PCLO: variants seen among roughly 807,000 people sequenced by gnomAD.
PCLO encodes the protein protein piccolo.
PCLO carries 82 observed loss-of-function variants against 427.5 expected under a neutral mutation model. That is an observed-to-expected ratio of 0.19 (90% CI 0.16 to 0.23). PCLO has a LOEUF of 0.23. Ranked by LOEUF, PCLO falls within the 10% of genes least tolerant of loss-of-function variation. The pLI is 1.00. For missense variants in PCLO, 6,239 were observed against 6,115.9 expected, an observed-to-expected ratio of 1.02 and a Z score of -0.67; for synonymous variants, 2,357 against 2,155.4, an observed-to-expected ratio of 1.09 and a Z score of -2.59.
intron 6 of PCLO, among the ~76,000 whole-genome samples, chr7:82,942,655 C>A (rs1194005893): frequency 1.3e-5 from 2 of 151,912 alleles, no homozygotes; most frequent in East Asian, 1.9e-4. Flanking sequence ...TAATATCTTT[C>A]CAATTACTAA....
In PCLO at chr7:82,908,891, G is replaced by T; in HGVS notation, c.13423C>A (p.Gln4475Lys). The change falls in exon 8 of 25, where the codon CAA becomes AAA. Residue 4475 changes from glutamine (Q) to lysine (K), a missense_variant. By Grantham distance (53) the Gln-to-Lys change is moderately conservative. Transcript: ENST00000333891. The part of the protein sequence containing the change: ...ERLVHSRPLS[Q>K]HQEQIIQMNG... ...ATAGCACTTACTTGCTCTTGATGTT[G>T]ACTGAGTGGTCTAGAGTGGACCAAT... is the stretch of plus-strand genomic sequence containing the variant. 1 of 1,612,152 alleles carries T rather than the reference G, an allele frequency of 6.2e-7. No individual in the cohort carries two copies. Among genetic ancestry groups the T allele is most frequent in the South Asian group, 1.1e-5 (1 of 90,948 alleles).
At chr7:82,819,424 AT>A (rs1434956318) in intron 20 of PCLO, among the ~76,000 whole-genome samples, 1 of 152,134 alleles carries the variant, frequency 6.6e-6, no homozygotes, top group Non-Finnish European at 1.5e-5. Flanking sequence ...ATAATTAAAA[AT>A]AAGGTGTGAA....
At position 83,156,040 on chromosome 7, in the gene PCLO, C is replaced by T. The variant is rs1156539713; in HGVS notation, c.601G>A (p.Gly201Arg). Reference sequence around the variant, plus strand: ...GGTTTTATGATTCCTTCAGGTTTTCCTTGCTCCTTCTGAACCACTTTTTGT... The same window carrying T: ...GGTTTTATGATTCCTTCAGGTTTTCTTTGCTCCTTCTGAACCACTTTTTGT... ...KKQKVVQKEQ[G>R]KPEGIIKPPL... Residue 201 changes from glycine (G) to arginine (R), a missense_variant, in exon 2 of 25, where the codon GGA becomes AGA. Physicochemically the swap from Gly to Arg is moderately radical, Grantham distance 125 (BLOSUM62 -2). This residue lies in a region of PCLO where 4,677 missense variants were observed against 4,468.4 expected (regional missense o/e 1.05). Transcript: ENST00000333891. 1.9e-6 allele frequency: 3 copies of T among 1,613,474 alleles called. No homozygotes were observed. Among genetic ancestry groups the T allele is most frequent in the Non-Finnish European group, 2.5e-6 (3 of 1,179,752 alleles).
chr7:83,020,188 A>C (rs1788307540), intron 3 of PCLO, among the ~76,000 whole-genome samples: 1 of 152,064 alleles, frequency 6.6e-6, no homozygotes, highest in African/African-American at 2.4e-5. Flanking sequence ...TTGACCCCTA[A>C]GTGTTTATAT....
chr7:82,914,610 A>G, intron 7 of PCLO, 76 bp downstream of exon 7: 2 of 1,402,938 alleles, frequency 1.4e-6, no homozygotes, highest in East Asian at 4.7e-5. Flanking sequence ...ACATCTCTGG[A>G]GAAGGGAAAT....
At chr7:82,800,865 G>T (rs1304705348) in intron 22 of PCLO, among the ~76,000 whole-genome samples, 1 of 151,926 alleles carries the variant, frequency 6.6e-6, no homozygotes, top group African/African-American at 2.4e-5. Flanking sequence ...GATTTCAGGC[G>T]TGAGCCACCG....
Position 83,065,873 on chromosome 7 carries a change from C to T in PCLO, c.3300+68377G>A, listed in dbSNP as rs192413263. Among the ~76,000 whole-genome samples the T allele has an allele frequency of 3.0e-3, 459 of 152,164 alleles. 2 individuals carry two copies. Among genetic ancestry groups the T allele is most frequent in the African/African-American group, 0.011 (439 of 41,558 alleles). ...GCTGTGATGAAATCTGGTCATGAGA[C>T]GTTCTTTAACAATGGGGAACAAACG... On this transcript the variant is annotated intron_variant, in intron 3 of 24. Transcript: ENST00000333891.
At chr7:82,770,250 T>A (rs966226856) in intron 22 of PCLO, among the ~76,000 whole-genome samples, 1 of 134,246 alleles carries the variant, frequency 7.4e-6, no homozygotes, top group African/African-American at 3.6e-5. Flanking sequence ...TCCCTTATTC[T>A]TTTTTTAAAA....
chr7:83,131,549 C>A (rs1791573514), intron 3 of PCLO, among the ~76,000 whole-genome samples: 1 of 152,064 alleles, frequency 6.6e-6, no homozygotes, highest in East Asian at 1.9e-4. Flanking sequence ...TCACAGCAAC[C>A]AGTATAGGAG....
At chr7:82,788,135 T>C (rs1008718097) in intron 22 of PCLO, among the ~76,000 whole-genome samples, 1 of 150,266 alleles carries the variant, frequency 6.7e-6, no homozygotes, top group Non-Finnish European at 1.5e-5. Flanking sequence ...TGTATTTATC[T>C]GATTTAATTT....
intron 3 of PCLO, among the ~76,000 whole-genome samples, chr7:82,967,876 A>G (rs1372637805): frequency 1.3e-5 from 2 of 152,218 alleles, no homozygotes; most frequent in South Asian, 4.1e-4. Flanking sequence ...GCACAGGGTT[A>G]GAGTGTCATA....
chr7:82,771,952 G>T (rs867216939), intron 22 of PCLO, among the ~76,000 whole-genome samples: 134 of 151,240 alleles, frequency 8.9e-4, no homozygotes, highest in Middle Eastern at 6.8e-3. Flanking sequence ...CTTTTTTTTT[G>T]TTTGTTTTAT....
chr7:82,993,210 T>C (rs1796417582), intron 3 of PCLO, among the ~76,000 whole-genome samples: 1 of 151,982 alleles, frequency 6.6e-6, no homozygotes, highest in Admixed American at 6.6e-5. Flanking sequence ...TGGCTAAATT[T>C]TTTCATATGT....
chr7:82,796,639 A>C (rs528021754), intron 22 of PCLO, among the ~76,000 whole-genome samples: 4 of 151,638 alleles, frequency 2.6e-5, no homozygotes, highest in Admixed American at 1.3e-4. Context: ...TCTGGCTTAT[A>C]TATTTTTATT....
At chr7:83,145,732 G>C (rs1353840394) in intron 2 of PCLO, among the ~76,000 whole-genome samples, 1 of 152,064 alleles carries the variant, frequency 6.6e-6, no homozygotes, top group Non-Finnish European at 1.5e-5. Flanking sequence ...TTTAATTTCA[G>C]AGCCCTTCCA....
At chr7:82,990,565 T>C (rs570293663) in intron 3 of PCLO, among the ~76,000 whole-genome samples, 7 of 152,250 alleles carry the variant, frequency 4.6e-5, no homozygotes, top group African/African-American at 1.7e-4. Flanking sequence ...AGACAAATAA[T>C]TAAGTAGAAC....
At chr7:82,820,786 A>G in intron 20 of PCLO, 1 of 1,231,398 alleles carries the variant, frequency 8.1e-7, no homozygotes, top group East Asian at 3.2e-5. Context: ...TTTTATCACA[A>G]TGAAACATAT....
chr7:82,774,218 A>C (rs1790702855), intron 22 of PCLO, among the ~76,000 whole-genome samples: 1 of 152,124 alleles, frequency 6.6e-6, no homozygotes, highest in Non-Finnish European at 1.5e-5. Flanking sequence ...CTAGGACCTT[A>C]TGTAAGAGCC....
At chr7:82,933,266 T>C (rs1253582187) in intron 6 of PCLO, among the ~76,000 whole-genome samples, 1 of 152,042 alleles carries the variant, frequency 6.6e-6, no homozygotes, top group African/African-American at 2.4e-5. Flanking sequence ...AAGGAACACC[T>C]CCTTGTTGTA....
Sources: allele counts gnomAD v4.1 joint callset (sites outside exome capture counted in the v4.1 genomes callset), GRCh38; gene constraint gnomAD v4.1.1; regional missense constraint gnomAD v4.1.1; transcripts MANE v1.5; gene names NCBI Gene and HGNC (gene_info 2026-07-23, HGNC 2026-07-21).